The following ADGRL1 variants were observed in gnomAD, a reference collection of about 807,000 sequenced individuals.
ADGRL1 encodes the protein CIRL-1.
In ADGRL1, 31 loss-of-function variants were observed where a neutral mutation model predicts 148.9. The ratio of observed to expected loss-of-function variants is 0.21; its 90% CI spans 0.16 to 0.28. The LOEUF is 0.28. ADGRL1 is among the 10% of genes least tolerant of loss of function. The probability of loss-of-function intolerance (pLI) is 1.00; values close to 1 mark genes in which losing one functional copy is unlikely to be tolerated. For synonymous variants in ADGRL1, 937 were observed against 900.3 expected (o/e 1.04, Z -0.73); for missense variants, 1,521 against 2,058.8 (o/e 0.74, Z 5.05).
At position 14,151,399 on chromosome 19, in the gene ADGRL1, G is replaced by A; in HGVS notation, c.3884C>T (p.Ala1295Val). The A allele has an allele frequency of 6.2e-7, 1 of 1,609,172 alleles. No homozygotes were observed. Among genetic ancestry groups the A allele is most frequent in the Non-Finnish European group, 8.5e-7 (1 of 1,178,240 alleles). ...HNNLRGSSSA[A>V]KGPPPPEPPV... ...GGGCTCAGGCGGTGGAGGGCCCTTG[G>A]CCGCGCTGCTGCTCCCCCGCAGGTT... Residue 1295 changes from alanine to valine, a missense_variant, in exon 23 of 23, where the codon GCC (alanine) becomes GTC (valine). Coordinates refer to ENST00000361434, the MANE Select transcript of ADGRL1 (RefSeq NM_014921.5).
intron 1 of ADGRL1, among the ~76,000 whole-genome samples, chr19:14,184,875 G>A (rs980758749): frequency 9.2e-5 from 14 of 151,904 alleles, no homozygotes; most frequent in African/African-American, 3.4e-4. Context: ...TCCTGACCTC[G>A]TGATCCGCCC....
At chr19:14,197,890 T>C (rs1972363103) in intron 1 of ADGRL1, among the ~76,000 whole-genome samples, 1 of 152,132 alleles carries the variant, frequency 6.6e-6, no homozygotes, top group Non-Finnish European at 1.5e-5. Flanking sequence ...TCAGTGGATG[T>C]TTACCGAGTT....
rs774368682 is a variant in ADGRL1 at position 14,150,840 on chromosome 19, C to T, written c.*33G>A. 10 of 1,600,588 alleles carry T rather than the reference C, an allele frequency of 6.2e-6. No homozygotes were observed. In the Admixed American group the frequency reaches 1.4e-4, roughly 22 times the overall value. Reference sequence around the variant, plus strand: ...CCCTGCCCAGGGTTCCCTCCCTGGCCTGGGCCACCAGCCCCTGGTCCATGA... The same window carrying T: ...CCCTGCCCAGGGTTCCCTCCCTGGCTTGGGCCACCAGCCCCTGGTCCATGA... On this transcript the variant is annotated 3_prime_UTR_variant, in exon 23 of 23. Coordinates refer to ENST00000361434, the MANE Select transcript of ADGRL1 (RefSeq NM_014921.5).
rs1424551677 is a variant in ADGRL1 at position 14,162,810 on chromosome 19, C to T, written c.991G>A (p.Asp331Asn). Residue 331 changes from aspartate (D) to asparagine (N), a missense_variant, in exon 5 of 23, where the codon GAC becomes AAC. Asp to Asn is a conservative substitution (Grantham distance 23). Transcript: ENST00000361434. This position sits in a 1 kb window ranked among gnomAD's most constrained non-coding sequence, Gnocchi z 5.4. ...ACGCGGTTGCCAGCCGCCTCGCTGT[C>T]ATCATCCACGTACACGGAACGCAGG... Reference protein sequence around the residue: ...YVLRSVYVDDDSEAAGNRVDY... With the variant: ...YVLRSVYVDDNSEAAGNRVDY... The T allele has an allele frequency of 1.9e-6, 3 of 1,613,930 alleles. No individual in the cohort carries two copies. In the East Asian group the frequency reaches 6.7e-5, roughly 36 times the overall value.
intron 18 of ADGRL1, 98 bp from the exon 19 acceptor site, chr19:14,153,010 C>T (rs1968368654): frequency 7.7e-6 from 11 of 1,434,874 alleles, no homozygotes; most frequent in Admixed American, 1.9e-5. Context: ...CTTGGGAGGC[C>T]GGAGACCGAG....
chr19:14,167,752 C>G (rs73509767), intron 4 of ADGRL1, among the ~76,000 whole-genome samples: 3 of 140,330 alleles, frequency 2.1e-5, no homozygotes, highest in African/African-American at 5.2e-5. Context: ...GTTGGGGAGA[C>G]GGAGGCAGAG....
Position 14,178,779 on chromosome 19 carries a change from T to C in ADGRL1, c.71-1035A>G, listed in dbSNP as rs1236956832. The stretch of plus-strand genomic sequence containing the variant: ...CTCCTGCCTTGGCCTCTCAAAGTGC[T>C]AGGATTATGGGCCTGAGTCCTCGCA... On this transcript the variant is annotated intron_variant, in intron 2 of 22. Transcript: ENST00000361434. 5.9e-5 allele frequency among the ~76,000 whole-genome samples: 9 copies of C among 152,156 alleles called. No homozygotes were observed. The South Asian group carries it at 1.7e-3, about 28-fold the overall frequency.
At chr19:14,167,371 G>A (rs1970077499) in intron 4 of ADGRL1, among the ~76,000 whole-genome samples, 1 of 151,936 alleles carries the variant, frequency 6.6e-6, no homozygotes, top group East Asian at 1.9e-4. Context: ...AGGTGGGAGG[G>A]GGCACCCTTG....
chr19:14,187,569 C>A (rs1033246705), intron 1 of ADGRL1, among the ~76,000 whole-genome samples: 1 of 80,374 alleles, frequency 1.2e-5, no homozygotes, highest in Non-Finnish European at 3.0e-5. Context: ...TCAGTAAATC[C>A]CCCCCAGCTA....
At chr19:14,194,277 T>C (rs1972122866) in intron 1 of ADGRL1, among the ~76,000 whole-genome samples, 1 of 152,166 alleles carries the variant, frequency 6.6e-6, no homozygotes, top group Non-Finnish European at 1.5e-5. Flanking sequence ...TGGTAATTTG[T>C]TGTGGGAGCC....
chr19:14,160,087 G>T lies in ADGRL1; in HGVS notation c.1800+25C>A. On this transcript the variant is annotated intron_variant, in intron 8 of 22. Transcript: ENST00000361434. This position sits in a 1 kb window ranked among gnomAD's most constrained non-coding sequence, Gnocchi z 5.9. ...GGGGGCAGGCGCCCTCCCCATACCA[G>T]GTCAGCGCCACCGCCAGGCCCCACC... 1 of 1,557,908 alleles carries T rather than the reference G, an allele frequency of 6.4e-7. No individual in the cohort carries two copies.
chr19:14,150,853 C>T lies in ADGRL1; in HGVS notation c.*20G>A, dbSNP rs760848436. ...TCCCTCCCTGGCCTGGGCCACCAGC[C>T]CCTGGTCCATGAGGTGCCCTCAGAG... is the stretch of plus-strand genomic sequence containing the variant. On this transcript the variant is annotated 3_prime_UTR_variant, in exon 23 of 23. Coordinates refer to ENST00000361434, the MANE Select transcript of ADGRL1 (RefSeq NM_014921.5). The T allele has an allele frequency of 8.7e-6, 14 of 1,607,784 alleles. No homozygotes were observed. Among genetic ancestry groups the T allele is most frequent in the Admixed American group, 3.4e-5 (2 of 59,352 alleles).
intron 4 of ADGRL1, 185 bp downstream of exon 4, chr19:14,170,497 C>T: frequency 1.9e-6 from 1 of 532,872 alleles, no homozygotes. Flanking sequence ...GGCGGGGGAG[C>T]AGGCACTGAG....
chr19:14,182,763 A>C (rs1306727669), intron 2 of ADGRL1, among the ~76,000 whole-genome samples: 1 of 152,136 alleles, frequency 6.6e-6, no homozygotes, highest in Non-Finnish European at 1.5e-5. Context: ...ACGTAGCAGC[A>C]GAGGAGTGAG....
chr19:14,166,847 C>T (rs1055484398), intron 4 of ADGRL1, among the ~76,000 whole-genome samples: 1 of 151,824 alleles, frequency 6.6e-6, no homozygotes, highest in Non-Finnish European at 1.5e-5. Context: ...TGCCCGTGGC[C>T]GCACCAGGGC....
chr19:14,184,726 G>A lies in ADGRL1; in HGVS notation c.-95-1029C>T, dbSNP rs575402152. Among the ~76,000 whole-genome samples the A allele has an allele frequency of 5.3e-5, 8 of 149,722 alleles. No individual in the cohort carries two copies. The South Asian group carries it at 1.5e-3, about 28-fold the overall frequency. On this transcript the variant is annotated intron_variant, in intron 1 of 22. Transcript: ENST00000361434. ...ACAGACTCAGCTCACTGCAAGCTCC[G>A]CCTCCTGGGTTCACGCCATTCTCCT...
At chr19:14,167,086 G>A (rs2144818219) in intron 4 of ADGRL1, 16 of 1,378,452 alleles carry the variant, frequency 1.2e-5, no homozygotes, top group South Asian at 9.8e-5. Flanking sequence ...AAATGTGCAA[G>A]AAAAAAAGAG....
In ADGRL1 at chr19:14,160,755, G is replaced by T; in HGVS notation, c.1511-59C>A. On this transcript the variant is annotated intron_variant, in intron 6 of 22. Transcript: ENST00000361434. This position sits in a 1 kb window ranked among gnomAD's most constrained non-coding sequence, Gnocchi z 5.9. Reference sequence around the variant, plus strand: ...AGCCAAAGGGAAGAAGAGAAGGATGGGACAGAGAGGGGGAAAGGAGATGAC... The same window carrying T: ...AGCCAAAGGGAAGAAGAGAAGGATGTGACAGAGAGGGGGAAAGGAGATGAC... 2 of 957,676 alleles carry T rather than the reference G, an allele frequency of 2.1e-6. No individual in the cohort carries two copies. Among genetic ancestry groups the T allele is most frequent in the Non-Finnish European group, 3.4e-6 (2 of 592,810 alleles). The allele number at this position is 957,676 out of a possible 1,614,324, so 59.3% of individuals were successfully genotyped here.
rs1170651044 is a variant in ADGRL1, at chr19:14,149,113, T to C, written c.*1760A>G. 1 of 152,380 alleles carries C rather than the reference T, an allele frequency of 6.6e-6. No individual in the cohort carries two copies. The highest frequency in any genetic ancestry group is 1.5e-5 in the Non-Finnish European group (1 of 68,294). 9.4% of individuals were successfully genotyped at this position (152,380 alleles called of 1,614,324 possible). A position where few individuals can be genotyped will look rare whatever the true frequency, so the allele number is the denominator to read the frequency against. On this transcript the variant is annotated 3_prime_UTR_variant, in exon 23 of 23. Transcript: ENST00000361434. Reference sequence around the variant, plus strand: ...GCTGGGCTAGGGTGGCCTGGGGCTATGCTGCCCCTAGAGTTGAGGGAAGGG... The same window carrying C: ...GCTGGGCTAGGGTGGCCTGGGGCTACGCTGCCCCTAGAGTTGAGGGAAGGG...
Sources: gnomAD v4.1 joint callset for allele counts (sites outside exome capture counted in the v4.1 genomes callset) on GRCh38, gnomAD v4.1.1 for gene constraint, Gnocchi (gnomAD v3.1) non-coding constraint, MANE v1.5 for transcripts, NCBI Gene and HGNC (gene_info 2026-07-23, HGNC 2026-07-21) for gene names.